XRCC4: variants seen among roughly 807,000 people sequenced by gnomAD.
XRCC4 encodes DNA repair protein XRCC4.
In XRCC4, 28 loss-of-function variants were observed where a neutral mutation model predicts 39.1. That is an observed-to-expected ratio of 0.72 (90% CI 0.53 to 0.98). The LOEUF is 0.98. Ranked by LOEUF, XRCC4 falls within the 50% of genes least tolerant of loss-of-function variation. The probability of loss-of-function intolerance (pLI) is 0.00; values close to 1 mark genes in which losing one functional copy is unlikely to be tolerated. For synonymous variants in XRCC4, 123 were observed against 126.4 expected, an observed-to-expected ratio of 0.97 and a Z score of 0.18; for missense variants, 350 against 376.4, an observed-to-expected ratio of 0.93 and a Z score of 0.58.
chr5:83,345,842 A>T, intron 7 of XRCC4, among the ~76,000 whole-genome samples: 1 of 152,216 alleles, frequency 6.6e-6, no homozygotes, highest in Non-Finnish European at 1.5e-5. Flanking sequence ...TAACATTTTT[A>T]GAGAAACTTT....
At chr5:83,090,351 G>T (rs914847066) in intron 1 of XRCC4, among the ~76,000 whole-genome samples, 10 of 151,590 alleles carry the variant, frequency 6.6e-5, no homozygotes, top group South Asian at 2.1e-4. Context: ...GGTTGGGGGG[G>T]GCTCCCTGCA....
chr5:83,228,169 T>A (rs1433852907), intron 6 of XRCC4, among the ~76,000 whole-genome samples: 3 of 152,214 alleles, frequency 2.0e-5, no homozygotes, highest in Non-Finnish European at 1.5e-5. Context: ...GCATTTCCTT[T>A]ATTTATTAAA....
the XRCC4 span, among the ~76,000 whole-genome samples, chr5:83,367,914 G>A: frequency 2.0e-5 from 3 of 151,838 alleles, no homozygotes; most frequent in Admixed American, 2.0e-4. Flanking sequence ...ATATTTTAGT[G>A]GCCCTCAAGT....
intron 6 of XRCC4, among the ~76,000 whole-genome samples, chr5:83,208,492 A>G (rs1751504876): frequency 6.6e-6 from 1 of 152,074 alleles, no homozygotes. Flanking sequence ...GAGTAGGGGT[A>G]TTACAATTTG....
At chr5:83,334,407 T>C (rs1756529082) in intron 7 of XRCC4, among the ~76,000 whole-genome samples, 1 of 152,132 alleles carries the variant, frequency 6.6e-6, no homozygotes, top group Non-Finnish European at 1.5e-5. Flanking sequence ...AGGATGTTCA[T>C]TGAAATGTGG....
the XRCC4 span, among the ~76,000 whole-genome samples, chr5:83,367,960 T>G: frequency 1.3e-5 from 2 of 151,844 alleles, no homozygotes; most frequent in Non-Finnish European, 2.9e-5. Flanking sequence ...CATACACAGG[T>G]GTGGAACTGG....
chr5:83,189,066 T>C (rs2662242), intron 3 of XRCC4, among the ~76,000 whole-genome samples: 71,811 of 151,966 alleles, frequency 0.47, 17,645 homozygotes, highest in African/African-American at 0.57. Flanking sequence ...ATAGGGAAAG[T>C]CTTCTAGCTG....
chr5:83,175,648 G>A (rs892914038), intron 3 of XRCC4, among the ~76,000 whole-genome samples: 4 of 151,774 alleles, frequency 2.6e-5, no homozygotes, highest in East Asian at 3.9e-4. Context: ...TTGGTCTGTC[G>A]CCCACACTGA....
At chr5:83,322,471 T>C (rs1756108450) in intron 7 of XRCC4, among the ~76,000 whole-genome samples, 2 of 152,130 alleles carry the variant, frequency 1.3e-5, no homozygotes, top group Non-Finnish European at 1.5e-5. Flanking sequence ...CTGGGTGTGA[T>C]AGGCTGAATA....
chr5:83,079,824 G>A lies in XRCC4; in HGVS notation c.-11+2209G>A, dbSNP rs144272501. On this transcript the variant is annotated intron_variant, in intron 1 of 7. Transcript: ENST00000396027. ...GCTGGGATTACAGGTGTAGGCCACC[G>A]CACCACGTCTGGCCTGTTCAAAAAG... Among the ~76,000 whole-genome samples the A allele has an allele frequency of 3.8e-3, 575 of 152,158 alleles. 4 individuals carry two copies. Among genetic ancestry groups the A allele is most frequent in the African/African-American group, 0.013 (548 of 41,516 alleles).
At chr5:83,255,853 AG>A (rs1232281664) in intron 6 of XRCC4, among the ~76,000 whole-genome samples, 1 of 152,222 alleles carries the variant, frequency 6.6e-6, no homozygotes, top group Non-Finnish European at 1.5e-5. Context: ...ACAGTTGTTC[AG>A]GGTTCATAGC....
At chr5:83,194,372 A>G (rs777659153) in intron 3 of XRCC4, among the ~76,000 whole-genome samples, 1 of 152,206 alleles carries the variant, frequency 6.6e-6, no homozygotes, top group Non-Finnish European at 1.5e-5. Flanking sequence ...TTAAGCTTAT[A>G]TGCCTGTTAA....
chr5:83,166,712 G>T (rs1749495073), intron 3 of XRCC4, among the ~76,000 whole-genome samples: 1 of 149,778 alleles, frequency 6.7e-6, no homozygotes, highest in South Asian at 2.1e-4. Flanking sequence ...CCTGGCCTCA[G>T]GTGATCTGCC....
At chr5:83,122,030 A>G (rs985746505) in intron 3 of XRCC4, among the ~76,000 whole-genome samples, 1 of 152,100 alleles carries the variant, frequency 6.6e-6, no homozygotes, top group Non-Finnish European at 1.5e-5. Flanking sequence ...CCATCAATCT[A>G]TTTGTTTAGC....
intron 6 of XRCC4, among the ~76,000 whole-genome samples, chr5:83,255,044 G>A (rs1316864519): frequency 6.7e-6 from 1 of 149,618 alleles, no homozygotes; most frequent in Non-Finnish European, 1.5e-5. Context: ...CCGAGATCAC[G>A]CCATTGCGCT....
intron 6 of XRCC4, among the ~76,000 whole-genome samples, chr5:83,237,000 A>G (rs1199364342): frequency 6.6e-6 from 1 of 152,202 alleles, no homozygotes; most frequent in Non-Finnish European, 1.5e-5. Flanking sequence ...ATGCAAATCA[A>G]AACTGCAATG....
At position 83,289,388 on chromosome 5, in the gene XRCC4, T is replaced by C. The variant is rs145045618; in HGVS notation, c.893+30711T>C. On this transcript the variant is annotated intron_variant, in intron 7 of 7. Transcript: ENST00000396027. ...GATAGGAACTGAAGAGAATAGACTT[T>C]TAGTGTGAAGATGTTCATTTGGGTA... Among the ~76,000 whole-genome samples the C allele has an allele frequency of 1.7e-3, 261 of 152,014 alleles. 2 individuals are homozygous for C. Among genetic ancestry groups the C allele is most frequent in the African/African-American group, 6.0e-3 (251 of 41,528 alleles).
At chr5:83,181,149 T>A (rs1168047407) in intron 3 of XRCC4, among the ~76,000 whole-genome samples, 2 of 151,752 alleles carry the variant, frequency 1.3e-5, no homozygotes, top group South Asian at 4.1e-4. Flanking sequence ...TTATCTATTA[T>A]CTTTTTATTA....
At chr5:83,192,691 T>G (rs1312409142) in intron 3 of XRCC4, among the ~76,000 whole-genome samples, 1 of 152,166 alleles carries the variant, frequency 6.6e-6, no homozygotes, top group Non-Finnish European at 1.5e-5. Context: ...TCTTAGAAGA[T>G]TATAGATAGA....
Sources: allele counts gnomAD v4.1 joint callset (sites outside exome capture counted in the v4.1 genomes callset), GRCh38; gene constraint gnomAD v4.1.1; transcripts MANE v1.5; gene names NCBI Gene and HGNC (gene_info 2026-07-23, HGNC 2026-07-21).